The following UNC5C variants were observed in gnomAD, a reference collection of about 807,000 sequenced individuals.
UNC5C encodes the protein netrin receptor UNC5C.
UNC5C carries 47 observed loss-of-function variants against 99.8 expected under a neutral mutation model. The observed-to-expected ratio is 0.47, with a 90% CI of 0.37 to 0.60. The LOEUF (loss-of-function observed/expected upper bound fraction) is 0.60, where lower values mean the gene tolerates loss of function less well. UNC5C is among the 20% of genes least tolerant of loss of function. The pLI is 0.00. For synonymous variants in UNC5C, 487 were observed against 452.2 expected (o/e 1.08, Z -0.98); for missense variants, 1,062 against 1,165.9 (o/e 0.91, Z 1.30).
chr4:95,240,951 T>C (rs1739308554), intron 7 of UNC5C, among the ~76,000 whole-genome samples: 1 of 151,616 alleles, frequency 6.6e-6, no homozygotes, highest in African/African-American at 2.4e-5. Flanking sequence ...ACAATGGAAG[T>C]AGTAGGCATT....
At chr4:95,206,892 T>G in intron 10 of UNC5C, 96 bp from the exon 11 acceptor site, 6 of 851,720 alleles carry the variant, frequency 7.0e-6, no homozygotes, top group Non-Finnish European at 9.8e-6. Flanking sequence ...AGTAGTTTTC[T>G]CCTGGAATTC....
chr4:95,239,140 T>C (rs1235549351), intron 7 of UNC5C, among the ~76,000 whole-genome samples: 9 of 152,170 alleles, frequency 5.9e-5, no homozygotes, highest in Admixed American at 5.9e-4. Flanking sequence ...TGGCTTATTT[T>C]TGTCTTAGAC....
intron 1 of UNC5C, among the ~76,000 whole-genome samples, chr4:95,478,889 G>A (rs930968635): frequency 1.3e-5 from 2 of 151,522 alleles, no homozygotes; most frequent in Non-Finnish European, 2.9e-5. Context: ...GCAAGTTCTC[G>A]CTCCATTAGT....
At chr4:95,248,473 G>A (rs544746144) in intron 5 of UNC5C, 24 of 448,230 alleles carry the variant, frequency 5.4e-5, no homozygotes, top group African/African-American at 4.4e-4. Flanking sequence ...TAACTTCCCC[G>A]TGGTCTCAAC....
At chr4:95,536,458 T>G (rs1015719158) in intron 1 of UNC5C, among the ~76,000 whole-genome samples, 2 of 152,212 alleles carry the variant, frequency 1.3e-5, no homozygotes, top group Non-Finnish European at 2.9e-5. Context: ...AACAGTGCAT[T>G]AACAGTGCAG....
intron 1 of UNC5C, among the ~76,000 whole-genome samples, chr4:95,369,256 G>T (rs1744672038): frequency 6.6e-6 from 1 of 151,834 alleles, no homozygotes; most frequent in South Asian, 2.1e-4. Flanking sequence ...AAAATTTATA[G>T]TTCAAAAAGT....
At chr4:95,488,479 A>G (rs1405391992) in intron 1 of UNC5C, among the ~76,000 whole-genome samples, 1 of 151,828 alleles carries the variant, frequency 6.6e-6, no homozygotes, top group East Asian at 1.9e-4. Flanking sequence ...GTACTTCCAT[A>G]GCTTCTGAGA....
chr4:95,502,709 A>G (rs753098983), intron 1 of UNC5C, among the ~76,000 whole-genome samples: 4 of 152,216 alleles, frequency 2.6e-5, no homozygotes, highest in Non-Finnish European at 5.9e-5. Flanking sequence ...CATTTTCATT[A>G]TTACTAAAAA....
rs76806720 is a variant in UNC5C at position 95,373,055 on chromosome 4, G to A, written c.125-37424C>T. Reference sequence around the variant, plus strand: ...ATACCTCAGATTCAACTCCTACAACGTCTTCTGCTACCAACAGAGTCAAAA... The same window carrying A: ...ATACCTCAGATTCAACTCCTACAACATCTTCTGCTACCAACAGAGTCAAAA... On this transcript the variant is annotated intron_variant, in intron 1 of 15. Coordinates refer to ENST00000453304, the MANE Select transcript of UNC5C (RefSeq NM_003728.4). Among the ~76,000 whole-genome samples the A allele has an allele frequency of 1.8e-3, 269 of 152,182 alleles. 1 individual carries two copies. Among genetic ancestry groups the A allele is most frequent in the African/African-American group, 6.1e-3 (253 of 41,508 alleles).
intron 4 of UNC5C, among the ~76,000 whole-genome samples, chr4:95,274,067 CA>C (rs1385769973): frequency 6.6e-6 from 1 of 152,058 alleles, no homozygotes; most frequent in African/African-American, 2.4e-5. Context: ...AAAACATGAA[CA>C]AAAAACTTTT....
At chr4:95,302,647 C>T (rs1386634097) in intron 2 of UNC5C, among the ~76,000 whole-genome samples, 1 of 152,140 alleles carries the variant, frequency 6.6e-6, no homozygotes, top group Non-Finnish European at 1.5e-5. Context: ...AGGGAACCAG[C>T]AGAACACCCC....
At chr4:95,375,337 C>T (rs1158122900) in intron 1 of UNC5C, among the ~76,000 whole-genome samples, 5 of 152,044 alleles carry the variant, frequency 3.3e-5, no homozygotes, top group African/African-American at 1.2e-4. Context: ...TCTTAAGATT[C>T]TTTCATGTCA....
At chr4:95,175,705 T>C (rs1219880171) in intron 14 of UNC5C, among the ~76,000 whole-genome samples, 1 of 152,206 alleles carries the variant, frequency 6.6e-6, no homozygotes, top group Admixed American at 6.5e-5. Context: ...CTTTGGTGAA[T>C]CTGACAATTA....
At chr4:95,432,709 C>A (rs1241809435) in intron 1 of UNC5C, among the ~76,000 whole-genome samples, 2 of 152,080 alleles carry the variant, frequency 1.3e-5, no homozygotes, top group Admixed American at 1.3e-4. Context: ...GAAACTCTGT[C>A]TTCTGACCTC....
intron 1 of UNC5C, among the ~76,000 whole-genome samples, chr4:95,407,814 G>T (rs1451373521): frequency 6.6e-6 from 1 of 152,148 alleles, no homozygotes; most frequent in Non-Finnish European, 1.5e-5. Context: ...AGCTAGGAGA[G>T]GGGAGCATAT....
At chr4:95,540,562 T>A (rs776253128) in intron 1 of UNC5C, among the ~76,000 whole-genome samples, 5 of 152,166 alleles carry the variant, frequency 3.3e-5, no homozygotes, top group Non-Finnish European at 7.3e-5. Context: ...AAAAGGAAAG[T>A]TGCTAAATAA....
At chr4:95,347,955 C>T (rs542126887) in intron 1 of UNC5C, among the ~76,000 whole-genome samples, 1 of 152,130 alleles carries the variant, frequency 6.6e-6, no homozygotes, top group Admixed American at 6.6e-5. Flanking sequence ...AGGAAACAAT[C>T]AGCAAAGTGA....
Position 95,168,816 on chromosome 4 carries a change from A to C in UNC5C, c.*418T>G, listed in dbSNP as rs750177634. 4.5e-5 allele frequency: 7 copies of C among 156,648 alleles called. No individual in the cohort carries two copies. The highest frequency in any genetic ancestry group is 7.1e-5 in the Non-Finnish European group (5 of 70,560). The allele number at this position is 156,648 out of a possible 1,614,324, so 9.7% of individuals were successfully genotyped here. A position where few individuals can be genotyped will look rare whatever the true frequency, so the allele number is the denominator to read the frequency against. On this transcript the variant is annotated 3_prime_UTR_variant, in exon 16 of 16. Coordinates refer to ENST00000453304, the MANE Select transcript of UNC5C (RefSeq NM_003728.4). Reference sequence around the variant, plus strand: ...TTCAACTTCAAATGATTTGAACAAAAATAGAACGAGCCATGGACAGTGTCT... The same window carrying C: ...TTCAACTTCAAATGATTTGAACAAACATAGAACGAGCCATGGACAGTGTCT...
intron 1 of UNC5C, among the ~76,000 whole-genome samples, chr4:95,498,333 T>G (rs1721682894): frequency 6.6e-6 from 1 of 152,008 alleles, no homozygotes; most frequent in Non-Finnish European, 1.5e-5. Context: ...CAGAATTATA[T>G]AGTATTAATT....
Sources: allele counts gnomAD v4.1 joint callset (sites outside exome capture counted in the v4.1 genomes callset), GRCh38; gene constraint gnomAD v4.1.1; transcripts MANE v1.5; gene names NCBI Gene and HGNC (gene_info 2026-07-23, HGNC 2026-07-21).